MBTD1: variants seen among roughly 807,000 people sequenced by gnomAD.
MBTD1 encodes MBT domain-containing protein 1.
Under a neutral mutation model 87.8 loss-of-function variants are expected in MBTD1, and 24 were observed. The observed-to-expected ratio is 0.27, with a 90% confidence interval of 0.20 to 0.38. The LOEUF (loss-of-function observed/expected upper bound fraction) is 0.38. Ranked by LOEUF, MBTD1 falls within the 10% of genes least tolerant of loss-of-function variation. MBTD1 has a pLI of 1.00. For missense variants in MBTD1, 436 were observed against 760.2 expected (o/e 0.57, Z 5.02); for synonymous variants, 237 against 248.6 (o/e 0.95, Z 0.44).
intron 2 of MBTD1, among the ~76,000 whole-genome samples, chr17:51,239,868 T>C (rs1293341244): frequency 1.3e-5 from 2 of 152,188 alleles, no homozygotes; most frequent in African/African-American, 2.4e-5. Context: ...TCAGCTATCA[T>C]CTTCAAGAAA....
intron 16 of MBTD1, among the ~76,000 whole-genome samples, chr17:51,190,959 C>T (rs1203477773): frequency 1.3e-5 from 2 of 151,416 alleles, no homozygotes; most frequent in African/African-American, 4.9e-5. Flanking sequence ...CAACACATGC[C>T]TGTGGTCCAA....
intron 12 of MBTD1, among the ~76,000 whole-genome samples, chr17:51,196,602 A>T (rs918494340): frequency 6.6e-6 from 1 of 151,754 alleles, no homozygotes; most frequent in Non-Finnish European, 1.5e-5. Flanking sequence ...CTATATTAAA[A>T]ATATTTTGGC....
chr17:51,230,940 T>C (rs778203662), intron 2 of MBTD1, among the ~76,000 whole-genome samples: 3 of 151,404 alleles, frequency 2.0e-5, no homozygotes, highest in African/African-American at 2.4e-5. Flanking sequence ...TCTATACTCA[T>C]AGTTTTTTTT....
intron 2 of MBTD1, among the ~76,000 whole-genome samples, chr17:51,245,453 C>T (rs943776394): frequency 6.6e-6 from 1 of 151,916 alleles, no homozygotes; most frequent in South Asian, 2.1e-4. Flanking sequence ...AAATTTTTTC[C>T]TGAAGCATGG....
At position 51,192,192 on chromosome 17, in the gene MBTD1, T is replaced by C; in HGVS notation, c.1768+11A>G. 6.5e-7 allele frequency: 1 copy of C among 1,542,578 alleles called. No individual in the cohort carries two copies. The highest frequency in any genetic ancestry group is 2.5e-5 in the East Asian group (1 of 40,808). ...TTAGAAAATGTATGTGAACACCACGTGGTGACCCACTTTTCTTATGTCCTT... is the reference window on the plus strand; with the variant it reads ...TTAGAAAATGTATGTGAACACCACGCGGTGACCCACTTTTCTTATGTCCTT... On this transcript the variant is annotated intron_variant, in intron 16 of 16. Coordinates refer to ENST00000586178, the MANE Select transcript of MBTD1 (RefSeq NM_017643.3).
Position 51,191,901 on chromosome 17 carries a change from A to G in MBTD1, c.1768+302T>C, listed in dbSNP as rs142867306. 5.7e-4 allele frequency: 160 copies of G among 281,194 alleles called. 4 individuals are homozygous for G. In the East Asian group the frequency reaches 0.016, roughly 28 times the overall value. The allele number at this position is 281,194 out of a possible 1,614,324, so 17.4% of individuals were successfully genotyped here. A position where few individuals can be genotyped will look rare whatever the true frequency, so the allele number is the denominator to read the frequency against. ...TGGCTGCTAATTTTTCTTTTTAAAT[A>G]AAGTTTTTAAAAAGGATTAACTTTC... On this transcript the variant is annotated intron_variant, in intron 16 of 16. Transcript: ENST00000586178.
At chr17:51,233,281 G>A (rs1416542921) in intron 2 of MBTD1, among the ~76,000 whole-genome samples, 1 of 152,048 alleles carries the variant, frequency 6.6e-6, no homozygotes, top group East Asian at 1.9e-4. Context: ...CTAATCAGGT[G>A]CTTAGTACCT....
chr17:51,223,784 C>T (rs891004991), intron 3 of MBTD1, among the ~76,000 whole-genome samples: 1 of 151,958 alleles, frequency 6.6e-6, no homozygotes, highest in Non-Finnish European at 1.5e-5. Context: ...TACAGTGAGC[C>T]GAGATTGCAC....
intron 16 of MBTD1, among the ~76,000 whole-genome samples, chr17:51,190,701 G>A (rs1345756467): frequency 5.3e-5 from 6 of 112,418 alleles, no homozygotes; most frequent in African/African-American, 1.9e-4. Context: ...CAGTCTGGGC[G>A]ACAGACTGAG....
At chr17:51,238,421 C>T (rs1405638420) in intron 2 of MBTD1, among the ~76,000 whole-genome samples, 4 of 152,080 alleles carry the variant, frequency 2.6e-5, no homozygotes, top group Non-Finnish European at 4.4e-5. Context: ...AAGAGGAAGA[C>T]GGTTGATTTA....
chr17:51,225,098 C>A lies in MBTD1; in HGVS notation c.64G>T (p.Glu22Ter). The change falls in exon 3 of 17, where the codon GAG (glutamate) becomes TAG (stop). Residue 22 changes from glutamate to a stop codon, truncating the protein, a stop_gained. Coordinates refer to ENST00000586178, the MANE Select transcript of MBTD1 (RefSeq NM_017643.3). LOFTEE classifies it high-confidence loss of function. The stretch of plus-strand genomic sequence containing the variant: ...GAAGGTAAAGGAGCGACTTCTTCCT[C>A]ACTCTCTTCGGAGCTGGAGCTGCTG... ...TSSSSSSEES[E>*]EEVAPLPSNL... The A allele has an allele frequency of 6.4e-7, 1 of 1,551,628 alleles. No individual in the cohort carries two copies.
chr17:51,195,388 C>T, intron 12 of MBTD1, 27 bp from the exon 13 acceptor site: 1 of 1,539,522 alleles, frequency 6.5e-7, no homozygotes, highest in Non-Finnish European at 8.8e-7. Flanking sequence ...ATTCTAAGTA[C>T]TTGAAATTAG....
chr17:51,213,217 A>G (rs1310111781), intron 6 of MBTD1, among the ~76,000 whole-genome samples: 2 of 151,644 alleles, frequency 1.3e-5, no homozygotes, highest in African/African-American at 4.8e-5. Context: ...TTTTTTGTAG[A>G]AATGAGGTCT....
intron 7 of MBTD1, among the ~76,000 whole-genome samples, chr17:51,204,160 A>C (rs1235458579): frequency 6.6e-6 from 1 of 152,208 alleles, no homozygotes; most frequent in Non-Finnish European, 1.5e-5. Context: ...CTGCTGGTCT[A>C]TGAACCAAAC....
chr17:51,243,435 T>A (rs918386404), intron 2 of MBTD1, among the ~76,000 whole-genome samples: 1 of 152,182 alleles, frequency 6.6e-6, no homozygotes, highest in Admixed American at 6.5e-5. Flanking sequence ...TCTAAACACA[T>A]AGATTTTCTG....
intron 2 of MBTD1, among the ~76,000 whole-genome samples, chr17:51,227,834 C>A (rs2053317730): frequency 6.6e-6 from 1 of 151,880 alleles, no homozygotes; most frequent in Admixed American, 6.6e-5. Context: ...TGCCTGTAGT[C>A]CCAGCTACTT....
At chr17:51,254,752 T>C (rs1250146996) in intron 2 of MBTD1, among the ~76,000 whole-genome samples, 2 of 152,192 alleles carry the variant, frequency 1.3e-5, no homozygotes, top group African/African-American at 2.4e-5. Context: ...AAAATTCACA[T>C]GAATAGGCTT....
chr17:51,196,214 G>A (rs988898411), intron 12 of MBTD1, among the ~76,000 whole-genome samples: 1 of 147,818 alleles, frequency 6.8e-6, no homozygotes, highest in South Asian at 2.1e-4. Flanking sequence ...GTCTGGCTGT[G>A]CCCACCCTGC....
Position 51,202,717 on chromosome 17 carries a change from A to C in MBTD1, c.1047T>G (p.His349Gln). ...GGTGCTTACCAGATCTTTTGAATCG[A>C]TGACCTATGCTTCGAGACCAACCAA... ...HHIGWSRSIG[H>Q]RFKRSDITKK... The change falls in exon 10 of 17, where the codon CAT (histidine) becomes CAG (glutamine). Residue 349 changes from histidine (H) to glutamine (Q), a missense_variant. His to Gln is a conservative substitution (Grantham distance 24). Coordinates refer to ENST00000586178, the MANE Select transcript of MBTD1 (RefSeq NM_017643.3). 1 of 1,613,938 alleles carries C rather than the reference A, an allele frequency of 6.2e-7. No homozygotes were observed. The highest frequency in any genetic ancestry group is 8.5e-7 in the Non-Finnish European group (1 of 1,179,798).
Sources: gnomAD v4.1 joint callset for allele counts (sites outside exome capture counted in the v4.1 genomes callset) on GRCh38, gnomAD v4.1.1 for gene constraint, MANE v1.5 for transcripts, NCBI Gene and HGNC (gene_info 2026-07-23, HGNC 2026-07-21) for gene names.